Variants in ADGRL3 observed in about 807,000 individuals in gnomAD.
ADGRL3 encodes the protein adhesion G protein-coupled receptor L3.
In ADGRL3, 62 loss-of-function variants were observed where a neutral mutation model predicts 153.5. The observed-to-expected ratio is 0.40, with a 90% CI of 0.33 to 0.50. ADGRL3 has a LOEUF of 0.50. Ranked by LOEUF, ADGRL3 falls within the 20% of genes least tolerant of loss-of-function variation. The pLI is 0.47. For synonymous variants in ADGRL3, 710 were observed against 672.5 expected (o/e 1.06, Z -0.86); for missense variants, 1,641 against 1,859.4 (o/e 0.88, Z 2.16).
chr4:61,491,079 T>G (rs2098252948), intron 2 of ADGRL3, among the ~76,000 whole-genome samples: 13 of 152,108 alleles, frequency 8.5e-5, no homozygotes, highest in Admixed American at 4.6e-4. Flanking sequence ...CTGTGTTATA[T>G]TCAGGGAATT....
intron 1 of ADGRL3, among the ~76,000 whole-genome samples, chr4:61,298,579 G>A (rs1387252803): frequency 2.0e-5 from 3 of 152,128 alleles, no homozygotes; most frequent in African/African-American, 4.8e-5. Context: ...CACACAATCA[G>A]TCATTATGTC....
intron 4 of ADGRL3, among the ~76,000 whole-genome samples, chr4:61,572,841 T>G (rs776357167): frequency 6.6e-6 from 1 of 152,060 alleles, no homozygotes; most frequent in Non-Finnish European, 1.5e-5. Context: ...AGTTCCATGA[T>G]GTCTTCAAGG....
At chr4:61,867,395 G>T (rs917325539) in intron 9 of ADGRL3, among the ~76,000 whole-genome samples, 5 of 151,070 alleles carry the variant, frequency 3.3e-5, no homozygotes, top group African/African-American at 1.2e-4. Flanking sequence ...AGCTACTTAG[G>T]AATCTGAGGC....
intron 2 of ADGRL3, among the ~76,000 whole-genome samples, chr4:61,390,562 C>A (rs1246439556): frequency 1.3e-5 from 2 of 152,156 alleles, no homozygotes; most frequent in Non-Finnish European, 2.9e-5. Flanking sequence ...TGGCAATATA[C>A]ATTTAAATTT....
chr4:61,241,070 ATATG>A (rs1179815529), intron 1 of ADGRL3, among the ~76,000 whole-genome samples: 4 of 152,154 alleles, frequency 2.6e-5, no homozygotes, highest in South Asian at 2.1e-4. Context: ...GTGTGTATAT[ATATG>A]TATCTTTTAC....
At chr4:62,030,400 A>G (rs1356302128) in intron 22 of ADGRL3, among the ~76,000 whole-genome samples, 1 of 151,572 alleles carries the variant, frequency 6.6e-6, no homozygotes, top group Non-Finnish European at 1.5e-5. Context: ...GGTTGGGCTT[A>G]TTAGTGTATA....
chr4:61,975,166 G>A (rs1166493796), intron 17 of ADGRL3, among the ~76,000 whole-genome samples: 2 of 152,128 alleles, frequency 1.3e-5, no homozygotes, highest in Non-Finnish European at 2.9e-5. Flanking sequence ...GTTTAAGTAA[G>A]TGATAAGGAG....
At chr4:61,291,218 G>GCACACACGCACACA (rs1553895045) in intron 1 of ADGRL3, among the ~76,000 whole-genome samples, 2,189 of 133,924 alleles carry the variant, frequency 0.016, 62 homozygotes, top group African/African-American at 0.042. Flanking sequence ...ACACACACAC[G>GCACACACGCACACA]CACACACACA....
chr4:61,532,496 CTCAT>C (rs1316976281), intron 4 of ADGRL3, among the ~76,000 whole-genome samples: 1 of 151,158 alleles, frequency 6.6e-6, no homozygotes, highest in African/African-American at 2.4e-5. Context: ...TCTTCAAGTA[CTCAT>C]TTGTAAGTCT....
intron 5 of ADGRL3, among the ~76,000 whole-genome samples, chr4:61,600,030 C>T (rs149897820): frequency 0.011 from 1,702 of 152,062 alleles, 28 homozygotes; most frequent in African/African-American, 0.038. Flanking sequence ...AGGAAATGGG[C>T]GAGGCGTGGT....
chr4:61,717,325 A>C (rs2096140106), intron 6 of ADGRL3, among the ~76,000 whole-genome samples: 1 of 151,966 alleles, frequency 6.6e-6, no homozygotes. Context: ...TGACCTTTGA[A>C]ATAGGGCATC....
intron 5 of ADGRL3, among the ~76,000 whole-genome samples, chr4:61,653,672 T>C (rs1363605258): frequency 6.6e-6 from 1 of 152,204 alleles, no homozygotes; most frequent in African/African-American, 2.4e-5. Context: ...CCCTCAGCAC[T>C]ACCAGATTTA....
chr4:61,249,214 G>C (rs1490052389), intron 1 of ADGRL3, among the ~76,000 whole-genome samples: 1 of 152,080 alleles, frequency 6.6e-6, no homozygotes, highest in Non-Finnish European at 1.5e-5. Flanking sequence ...CTTTTTTGAA[G>C]CTTTCAACAT....
chr4:61,584,614 A>G (rs1364086981), intron 4 of ADGRL3, among the ~76,000 whole-genome samples: 2 of 152,014 alleles, frequency 1.3e-5, no homozygotes, highest in African/African-American at 4.8e-5. Context: ...TTTAGTCAAC[A>G]TACTATAGCT....
At chr4:61,766,269 A>G (rs1034507859) in intron 8 of ADGRL3, among the ~76,000 whole-genome samples, 1 of 151,952 alleles carries the variant, frequency 6.6e-6, no homozygotes, top group African/African-American at 2.4e-5. Context: ...AAGTATATGC[A>G]TCAGGTATGA....
intron 2 of ADGRL3, among the ~76,000 whole-genome samples, chr4:61,445,323 A>T (rs2097570346): frequency 6.6e-6 from 1 of 152,174 alleles, no homozygotes; most frequent in African/African-American, 2.4e-5. Flanking sequence ...TGCTATATCA[A>T]CCTGAGGGCT....
intron 8 of ADGRL3, among the ~76,000 whole-genome samples, chr4:61,794,287 C>T (rs1370636845): frequency 6.6e-6 from 1 of 152,146 alleles, no homozygotes; most frequent in Non-Finnish European, 1.5e-5. Context: ...GTGCATTAGT[C>T]AGGTGGTCAT....
intron 1 of ADGRL3, among the ~76,000 whole-genome samples, chr4:61,213,667 G>A (rs1163202050): frequency 6.6e-6 from 1 of 152,038 alleles, no homozygotes; most frequent in Non-Finnish European, 1.5e-5. Flanking sequence ...TATATAGTTT[G>A]TATAGTTATC....
At chr4:61,419,319 A>G (rs1369482381) in intron 2 of ADGRL3, among the ~76,000 whole-genome samples, 1 of 150,916 alleles carries the variant, frequency 6.6e-6, no homozygotes, top group Non-Finnish European at 1.5e-5. Context: ...ATTGAAATAA[A>G]TGTGAGCTCT....
Sources: gnomAD v4.1 joint callset for allele counts (sites outside exome capture counted in the v4.1 genomes callset) on GRCh38, gnomAD v4.1.1 for gene constraint, MANE v1.5 for transcripts, NCBI Gene and HGNC (gene_info 2026-07-23, HGNC 2026-07-21) for gene names.